The following PTPRG variants were observed in gnomAD, a reference collection of about 807,000 sequenced individuals.
PTPRG encodes the protein receptor-type tyrosine-protein phosphatase gamma.
In PTPRG, 102 loss-of-function variants were observed where a neutral mutation model predicts 165.3. The observed-to-expected ratio is 0.62, with a 90% CI of 0.53 to 0.73. The LOEUF is 0.73. Among genes scored for constraint, PTPRG ranks in the 30% least tolerant of loss-of-function variants. The pLI is 0.00. For synonymous variants in PTPRG, 675 were observed against 669.5 expected (o/e 1.01, Z -0.13); for missense variants, 1,866 against 1,861.4 (o/e 1.00, Z -0.05).
chr3:62,179,842 G>T (rs1168384006), intron 8 of PTPRG, among the ~76,000 whole-genome samples: 2 of 152,166 alleles, frequency 1.3e-5, no homozygotes, highest in African/African-American at 4.8e-5. Context: ...TGATCAGTTG[G>T]TTCAGACGCC....
chr3:62,201,156 T>C (rs1700087378), intron 10 of PTPRG, among the ~76,000 whole-genome samples: 1 of 152,244 alleles, frequency 6.6e-6, no homozygotes, highest in South Asian at 2.1e-4. Context: ...TGTTTACATA[T>C]GTAAAATTCA....
intron 1 of PTPRG, among the ~76,000 whole-genome samples, chr3:61,684,403 T>C (rs1174604020): frequency 1.3e-5 from 2 of 152,246 alleles, no homozygotes; most frequent in East Asian, 1.9e-4. Flanking sequence ...TTGGCATCTT[T>C]TGGTTTGGAA....
intron 16 of PTPRG, among the ~76,000 whole-genome samples, chr3:62,259,126 A>C (rs1701620124): frequency 6.6e-6 from 1 of 152,180 alleles, no homozygotes; most frequent in Non-Finnish European, 1.5e-5. Context: ...CTTAAATCAA[A>C]AGAACAAAGC....
intron 2 of PTPRG, among the ~76,000 whole-genome samples, chr3:61,858,533 T>C (rs1293711911): frequency 6.6e-6 from 1 of 152,216 alleles, no homozygotes; most frequent in African/African-American, 2.4e-5. Context: ...AACTTTGATG[T>C]CAATTATTTT....
At chr3:61,655,465 G>T (rs1702484135) in intron 1 of PTPRG, among the ~76,000 whole-genome samples, 1 of 152,130 alleles carries the variant, frequency 6.6e-6, no homozygotes, top group Non-Finnish European at 1.5e-5. Flanking sequence ...TCAGAAATAT[G>T]GACTAAATGA....
intron 1 of PTPRG, among the ~76,000 whole-genome samples, chr3:61,670,624 G>A (rs576743909): frequency 3.9e-5 from 6 of 152,198 alleles, no homozygotes; most frequent in Non-Finnish European, 7.4e-5. Context: ...TCTCTGACAC[G>A]AAATAGAAAC....
chr3:62,237,209 G>A lies in PTPRG; in HGVS notation c.2375+5898G>A. Among the ~76,000 whole-genome samples, 2 of 152,168 alleles carry A rather than the reference G, an allele frequency of 1.3e-5. 1 individual carries two copies. Among genetic ancestry groups the A allele is most frequent in the Middle Eastern group, 6.3e-3 (2 of 316 alleles). ...AAAAACAGAAGCCACAGAAGAAAAG[G>A]CCTTTATGCAGAAATTTGGTCATTC... is the stretch of plus-strand genomic sequence containing the variant. On this transcript the variant is annotated intron_variant, in intron 14 of 29. Transcript: ENST00000474889. This position sits in a 1 kb window ranked among gnomAD's most constrained non-coding sequence, Gnocchi z 4.5.
intron 5 of PTPRG, among the ~76,000 whole-genome samples, chr3:62,125,140 G>A (rs575667581): frequency 3.3e-5 from 5 of 152,176 alleles, no homozygotes; most frequent in South Asian, 2.1e-4. Flanking sequence ...GGGTATTTAA[G>A]GTCATTTACG....
At chr3:61,701,008 T>C (rs1190841101) in intron 1 of PTPRG, among the ~76,000 whole-genome samples, 1 of 152,172 alleles carries the variant, frequency 6.6e-6, no homozygotes, top group Non-Finnish European at 1.5e-5. Context: ...GAAGACAGTC[T>C]AGGAGGGAAA....
chr3:61,888,030 G>A (rs1025520677), intron 2 of PTPRG, among the ~76,000 whole-genome samples: 4 of 152,108 alleles, frequency 2.6e-5, no homozygotes, highest in Non-Finnish European at 5.9e-5. Flanking sequence ...GACACAGAAG[G>A]CGCTAAAATA....
chr3:61,645,973 A>C (rs2106965572), intron 1 of PTPRG, among the ~76,000 whole-genome samples: 1 of 152,306 alleles, frequency 6.6e-6, no homozygotes, highest in African/African-American at 2.4e-5. Context: ...CAGACTTCAT[A>C]ATCTAACTTA....
In PTPRG at chr3:62,214,675, G is replaced by A. The variant is rs548554894; in HGVS notation, c.2156-4176G>A. ...AACACAAGATGATGATAGTGGTGGT[G>A]GTACTTGTCATTTGCTTGATGCCAG... is the stretch of plus-strand genomic sequence containing the variant. On this transcript the variant is annotated intron_variant, in intron 12 of 29. Coordinates refer to ENST00000474889, the MANE Select transcript of PTPRG (RefSeq NM_002841.4). The surrounding 1 kb of genome is among the most constrained non-coding windows in gnomAD (Gnocchi z 5.2). Among the ~76,000 whole-genome samples, 4 of 152,134 alleles carry A rather than the reference G, an allele frequency of 2.6e-5. No homozygotes were observed. The highest frequency in any genetic ancestry group is 6.5e-5 in the Admixed American group (1 of 15,282).
intron 1 of PTPRG, among the ~76,000 whole-genome samples, chr3:61,663,974 C>T (rs549627756): frequency 1.6e-4 from 24 of 152,190 alleles, no homozygotes; most frequent in Non-Finnish European, 2.8e-4. Flanking sequence ...GTTGGGGACC[C>T]CTGATTTAAA....
At chr3:61,563,583 A>T (rs927787346) in intron 1 of PTPRG, among the ~76,000 whole-genome samples, 1 of 152,138 alleles carries the variant, frequency 6.6e-6, no homozygotes, top group African/African-American at 2.4e-5. Flanking sequence ...TCCCCTAAGG[A>T]CAGAGAATTC....
At chr3:62,114,622 A>G (rs922532615) in intron 5 of PTPRG, among the ~76,000 whole-genome samples, 16 of 152,226 alleles carry the variant, frequency 1.1e-4, no homozygotes, top group Admixed American at 3.9e-4. Context: ...ACCTCTAAAC[A>G]TACCAAGATA....
chr3:61,791,893 G>A (rs1342444220), intron 2 of PTPRG, among the ~76,000 whole-genome samples: 2 of 152,190 alleles, frequency 1.3e-5, no homozygotes, highest in Non-Finnish European at 2.9e-5. Context: ...CAGAGGTATC[G>A]TTTATTAGTG....
intron 1 of PTPRG, among the ~76,000 whole-genome samples, chr3:61,621,033 GTA>G (rs368012442): frequency 0.031 from 3,962 of 129,900 alleles, 208 homozygotes; most frequent in Middle Eastern, 0.042. Context: ...GTGTGTGTGT[GTA>G]TATATATATA....
intron 4 of PTPRG, among the ~76,000 whole-genome samples, chr3:62,008,611 A>G (rs1321584888): frequency 6.6e-6 from 1 of 152,218 alleles, no homozygotes; most frequent in Non-Finnish European, 1.5e-5. Flanking sequence ...TTAGAAAGTT[A>G]TTATAGCCCA....
intron 5 of PTPRG, among the ~76,000 whole-genome samples, chr3:62,130,323 G>C (rs993894688): frequency 9.2e-5 from 14 of 152,158 alleles, no homozygotes; most frequent in Non-Finnish European, 1.9e-4. Context: ...GAATCTGAGT[G>C]TTTTATGAGC....
Sources: gnomAD v4.1 joint callset for allele counts (sites outside exome capture counted in the v4.1 genomes callset) on GRCh38, gnomAD v4.1.1 for gene constraint, Gnocchi (gnomAD v3.1) non-coding constraint, MANE v1.5 for transcripts, NCBI Gene and HGNC (gene_info 2026-07-23, HGNC 2026-07-21) for gene names.